Variants in MYO3A observed in about 807,000 individuals in gnomAD.
The protein encoded by MYO3A is myosin IIIA, also known as myosin-IIIa.
MYO3A carries 180 observed loss-of-function variants against 192.7 expected under a neutral mutation model. The observed-to-expected ratio is 0.93, with a 90% confidence interval of 0.83 to 1.06. The LOEUF (loss-of-function observed/expected upper bound fraction) is 1.06, where lower values mean the gene tolerates loss of function less well. Among genes scored for constraint, MYO3A ranks in the 50% least tolerant of loss-of-function variants. The pLI is 0.00. For synonymous variants in MYO3A, 628 were observed against 645.3 expected, an observed-to-expected ratio of 0.97 and a Z score of 0.41; for missense variants, 1,896 against 1,905.0, an observed-to-expected ratio of 1.00 and a Z score of 0.09.
chr10:26,109,779 A>G (rs942353973), intron 17 of MYO3A, among the ~76,000 whole-genome samples: 8 of 152,204 alleles, frequency 5.3e-5, no homozygotes, highest in African/African-American at 1.9e-4. Context: ...CAGGTCCAGA[A>G]TTTAGAATCT....
chr10:26,104,338 T>C (rs1366618803), intron 17 of MYO3A, among the ~76,000 whole-genome samples: 1 of 152,174 alleles, frequency 6.6e-6, no homozygotes, highest in Non-Finnish European at 1.5e-5. Flanking sequence ...TACATTTAGG[T>C]CATTGTTCCA....
intron 4 of MYO3A, among the ~76,000 whole-genome samples, chr10:25,995,742 G>A (rs1281782757): frequency 6.6e-6 from 1 of 152,222 alleles, no homozygotes; most frequent in Non-Finnish European, 1.5e-5. Flanking sequence ...TCAGCTGCAG[G>A]TCTGTTGGAG....
chr10:26,170,345 T>C, intron 28 of MYO3A, 71 bp from the exon 29 acceptor site: 1 of 1,545,506 alleles, frequency 6.5e-7, no homozygotes, highest in Non-Finnish European at 8.8e-7. Context: ...AAAGCCACCA[T>C]TTCTACTCTT....
intron 14 of MYO3A, among the ~76,000 whole-genome samples, chr10:26,082,090 T>C (rs1396388880): frequency 6.6e-6 from 1 of 152,218 alleles, no homozygotes; most frequent in African/African-American, 2.4e-5. Flanking sequence ...TCTGCCATGA[T>C]GATTGACCCT....
At chr10:26,204,369 C>T (rs1321931554) in intron 34 of MYO3A, 1 of 152,268 alleles carries the variant, frequency 6.6e-6, no homozygotes, top group African/African-American at 2.4e-5. Flanking sequence ...TCCAATGTAT[C>T]CTTCCCCTTC....
intron 2 of MYO3A, among the ~76,000 whole-genome samples, chr10:25,943,794 G>A (rs1390756007): frequency 6.6e-6 from 1 of 151,634 alleles, no homozygotes; most frequent in African/African-American, 2.4e-5. Context: ...GTGTGTGTGT[G>A]TGTGTGTGTG....
At chr10:25,967,397 T>G (rs547079557) in intron 4 of MYO3A, among the ~76,000 whole-genome samples, 1 of 152,234 alleles carries the variant, frequency 6.6e-6, no homozygotes, top group East Asian at 1.9e-4. Context: ...AGGTTATACA[T>G]TGGAGGAAGG....
At chr10:26,124,001 T>C (rs1839038085) in intron 18 of MYO3A, among the ~76,000 whole-genome samples, 1 of 151,580 alleles carries the variant, frequency 6.6e-6, no homozygotes, top group East Asian at 2.0e-4. Context: ...CTGGGCAACA[T>C]GGCGAAACAC....
chr10:26,102,320 A>G (rs543659969), intron 17 of MYO3A, among the ~76,000 whole-genome samples: 1 of 152,268 alleles, frequency 6.6e-6, no homozygotes, highest in East Asian at 1.9e-4. Context: ...CAAGGTTTTT[A>G]GCTTCTTTGC....
intron 20 of MYO3A, among the ~76,000 whole-genome samples, chr10:26,140,897 ATG>A: frequency 6.6e-6 from 1 of 152,232 alleles, no homozygotes; most frequent in Admixed American, 6.5e-5. Context: ...TGCTCACCTT[ATG>A]CTTTAAATGT....
intron 14 of MYO3A, among the ~76,000 whole-genome samples, chr10:26,085,848 T>A (rs999287478): frequency 6.6e-6 from 1 of 152,220 alleles, no homozygotes; most frequent in Admixed American, 6.5e-5. Context: ...CTGTCCTTCC[T>A]TCCTGCTTGT....
At chr10:26,197,322 C>T (rs1843459464) in intron 32 of MYO3A, among the ~76,000 whole-genome samples, 1 of 152,014 alleles carries the variant, frequency 6.6e-6, no homozygotes, top group African/African-American at 2.4e-5. Flanking sequence ...TTTTGAGGGG[C>T]CTGAAGGTTA....
At chr10:26,162,344 T>G (rs1374539898) in intron 26 of MYO3A, among the ~76,000 whole-genome samples, 3 of 152,244 alleles carry the variant, frequency 2.0e-5, no homozygotes, top group African/African-American at 7.2e-5. Flanking sequence ...TATTTTTACT[T>G]ACAACATCAA....
intron 4 of MYO3A, 74 bp from the exon 5 acceptor site, chr10:25,996,416 T>G: frequency 8.0e-7 from 1 of 1,254,814 alleles, no homozygotes; most frequent in South Asian, 1.2e-5. Flanking sequence ...TAAAAATGTC[T>G]TGGAAGAACT....
At chr10:25,962,897 A>G (rs1838023967) in intron 4 of MYO3A, among the ~76,000 whole-genome samples, 1 of 152,190 alleles carries the variant, frequency 6.6e-6, no homozygotes, top group African/African-American at 2.4e-5. Flanking sequence ...TTGGATGAAC[A>G]ACCACATTTT....
intron 9 of MYO3A, among the ~76,000 whole-genome samples, chr10:26,024,713 C>G (rs767078573): frequency 2.5e-4 from 38 of 152,104 alleles, no homozygotes; most frequent in Non-Finnish European, 5.0e-4. Context: ...CATATTTCTC[C>G]TTTGCTTATG....
At chr10:26,029,655 C>A (rs1399974390) in intron 10 of MYO3A, among the ~76,000 whole-genome samples, 1 of 152,032 alleles carries the variant, frequency 6.6e-6, no homozygotes, top group East Asian at 1.9e-4. Flanking sequence ...TCATATCTGA[C>A]TTTTTATGTC....
At chr10:26,086,714 G>C (rs1336580395) in intron 14 of MYO3A, among the ~76,000 whole-genome samples, 1 of 152,048 alleles carries the variant, frequency 6.6e-6, no homozygotes, top group East Asian at 1.9e-4. Context: ...ACTTCTAGAA[G>C]TATCATTCTA....
chr10:26,201,803 T>A (rs1843689650), intron 33 of MYO3A, among the ~76,000 whole-genome samples: 1 of 152,230 alleles, frequency 6.6e-6, no homozygotes, highest in Non-Finnish European at 1.5e-5. Context: ...AGATCCTGCC[T>A]ACTGGAAATC....
Sources: gnomAD v4.1 joint callset for allele counts (sites outside exome capture counted in the v4.1 genomes callset) on GRCh38, gnomAD v4.1.1 for gene constraint, MANE v1.5 for transcripts, NCBI Gene and HGNC (gene_info 2026-07-23, HGNC 2026-07-21) for gene names.